The following FEZF2 variants were observed in gnomAD, a reference collection of about 807,000 sequenced individuals.
FEZF2 encodes the protein FEZ family zinc finger 2, also known as fez family zinc finger protein 2.
Under a neutral mutation model 32.8 loss-of-function variants are expected in FEZF2, and 2 were observed. The observed-to-expected ratio is 0.06, with a 90% confidence interval of 0.02 to 0.19. The LOEUF (loss-of-function observed/expected upper bound fraction) is 0.19, where lower values mean the gene tolerates loss of function less well. Ranked by LOEUF, FEZF2 falls within the 10% of genes least tolerant of loss-of-function variation. FEZF2 has a pLI of 1.00. For missense variants in FEZF2, 516 were observed against 625.4 expected, an observed-to-expected ratio of 0.83 and a Z score of 1.87; for synonymous variants, 322 against 284.8, an observed-to-expected ratio of 1.13 and a Z score of -1.32.
At chr3:62,371,710 G>A (rs774961214) in intron 2 of FEZF2, 43 bp from the exon 3 acceptor site, 7 of 1,579,002 alleles carry the variant, frequency 4.4e-6, no homozygotes, top group East Asian at 2.3e-5. Context: ...TCTGTCCGAG[G>A]GCCTACAATC....
chr3:62,370,089 C>G lies in FEZF2; in HGVS notation c.1374G>C (p.Gln458His). 1 of 1,614,172 alleles carries G rather than the reference C, an allele frequency of 6.2e-7. No individual in the cohort carries two copies. The highest frequency in any genetic ancestry group is 1.1e-5 in the South Asian group (1 of 91,084). ...AAGGGCAAGGCAGTAGCTCTCAGCT[C>G]TGCACTGTCCTAGTCAGGTCCTTTG... The part of the protein sequence containing the change: ...PSAKDLTRTV[Q>H]S The change falls in exon 5 of 5, where the codon CAG (glutamine) becomes CAC (histidine). Residue 458 changes from glutamine to histidine, a missense_variant. Gln to His is a conservative substitution (Grantham distance 24). Coordinates refer to ENST00000283268, the MANE Select transcript of FEZF2 (RefSeq NM_018008.4). The surrounding 1 kb of genome is among the most constrained non-coding windows in gnomAD (Gnocchi z 4.2).
At chr3:62,371,801 T>C in intron 2 of FEZF2, 134 bp from the exon 3 acceptor site, 1 of 1,429,010 alleles carries the variant, frequency 7.0e-7, no homozygotes, top group Non-Finnish European at 9.4e-7. Flanking sequence ...TGTAAAGTGC[T>C]GCCCAAACTC....
rs149218539 is a variant in FEZF2, at chr3:62,370,915, A to T, written c.1120+302T>A. 6.6e-6 allele frequency among the ~76,000 whole-genome samples: 1 copy of T among 152,040 alleles called. No individual in the cohort carries two copies. Among genetic ancestry groups the T allele is most frequent in the Non-Finnish European group, 1.5e-5 (1 of 68,016 alleles). On this transcript the variant is annotated intron_variant, in intron 4 of 4. Coordinates refer to ENST00000283268, the MANE Select transcript of FEZF2 (RefSeq NM_018008.4). The surrounding 1 kb of genome is among the most constrained non-coding windows in gnomAD (Gnocchi z 4.2). ...AAGGGAAGTTCCGGATACAAAAGGA[A>T]CCTTTTTCTATAGGGCAATACCCTC...
chr3:62,372,416 G>A lies in FEZF2; in HGVS notation c.453C>T (p.Val151=). 6.2e-7 allele frequency: 1 copy of A among 1,610,500 alleles called. No individual in the cohort carries two copies. The highest frequency in any genetic ancestry group is 8.5e-7 in the Non-Finnish European group (1 of 1,179,394). Residue 151 remains valine (V), a synonymous_variant, in exon 2 of 5, where the codon GTC becomes GTT. Transcript: ENST00000283268. This position sits in a 1 kb window ranked among gnomAD's most constrained non-coding sequence, Gnocchi z 9.6. Reference sequence around the variant, plus strand: ...CCTGGTTGATGACCTGCGGCTTGATGACCCTGCCCGCGGGCAGCGCGGACG... The same window carrying A: ...CCTGGTTGATGACCTGCGGCTTGATAACCCTGCCCGCGGGCAGCGCGGACG... ...LAPSALPAGR[V]IKPQVINQAV...
chr3:62,370,917 C>A lies in FEZF2; in HGVS notation c.1120+300G>T, dbSNP rs1252907342. 6.6e-6 allele frequency among the ~76,000 whole-genome samples: 1 copy of A among 152,118 alleles called. No homozygotes were observed. The highest frequency in any genetic ancestry group is 2.4e-5 in the African/African-American group (1 of 41,426). On this transcript the variant is annotated intron_variant, in intron 4 of 4. Coordinates refer to ENST00000283268, the MANE Select transcript of FEZF2 (RefSeq NM_018008.4). The surrounding 1 kb of genome is among the most constrained non-coding windows in gnomAD (Gnocchi z 4.2). ...GGGAAGTTCCGGATACAAAAGGAAC[C>A]TTTTTCTATAGGGCAATACCCTCTC...
Position 62,372,345 on chromosome 3 carries a change from A to T in FEZF2, c.524T>A (p.Leu175Gln), listed in dbSNP as rs763733326. 6.2e-7 allele frequency: 1 copy of T among 1,610,462 alleles called. No homozygotes were observed. The highest frequency in any genetic ancestry group is 8.5e-7 in the Non-Finnish European group (1 of 1,179,664). ...AGACGGCGGGTACGCGGTCGAGTCC[A>T]GGTAGTTGAAGTAGTAGAGCGAGCC... ...ASGSLYYFNY[L>Q]DSTAYPPSEL... The change falls in exon 2 of 5, where the codon CTG becomes CAG. Residue 175 changes from leucine to glutamine, a missense_variant. Leu to Gln is a moderately radical substitution (Grantham distance 113). This residue lies in a region of FEZF2 where 408 missense variants were observed against 382.2 expected (regional missense o/e 1.07). Transcript: ENST00000283268. The surrounding 1 kb of genome is among the most constrained non-coding windows in gnomAD (Gnocchi z 9.6).
At position 62,369,971 on chromosome 3, in the gene FEZF2, A is replaced by AT. The variant is rs1438046928; in HGVS notation, c.*111dup. ...AAAATATGCTGGTTTCGATAAATAG[A>AT]TTTTAGCCTCTCTGCTATAGTTTTT... On this transcript the variant is annotated 3_prime_UTR_variant, in exon 5 of 5. Transcript: ENST00000283268. This position sits in a 1 kb window ranked among gnomAD's most constrained non-coding sequence, Gnocchi z 4.2. The AT allele has an allele frequency of 7.7e-7, 1 of 1,306,158 alleles. No homozygotes were observed. The highest frequency in any genetic ancestry group is 1.0e-6 in the Non-Finnish European group (1 of 978,140). The allele number at this position is 1,306,158 out of a possible 1,614,324, so 80.9% of individuals were successfully genotyped here. A position where few individuals can be genotyped will look rare whatever the true frequency, so the allele number is the denominator to read the frequency against.
chr3:62,372,997 T>G lies in FEZF2; in HGVS notation c.-58-71A>C. 4 of 926,886 alleles carry G rather than the reference T, an allele frequency of 4.3e-6. No homozygotes were observed. Among genetic ancestry groups the G allele is most frequent in the Non-Finnish European group, 5.8e-6 (4 of 688,972 alleles). 57.4% of individuals were successfully genotyped at this position (926,886 alleles called of 1,614,324 possible). A position where few individuals can be genotyped will look rare whatever the true frequency, so the allele number is the denominator to read the frequency against. On this transcript the variant is annotated intron_variant, in intron 1 of 4. Coordinates refer to ENST00000283268, the MANE Select transcript of FEZF2 (RefSeq NM_018008.4). The surrounding 1 kb of genome is among the most constrained non-coding windows in gnomAD (Gnocchi z 9.6). Reference sequence around the variant, plus strand: ...ACCTAGTCGGGCCCGGGTCACCCATTTGCATTCAAATGAACAGGGGCAAAA... The same window carrying G: ...ACCTAGTCGGGCCCGGGTCACCCATGTGCATTCAAATGAACAGGGGCAAAA...
chr3:62,373,264 C>G lies in FEZF2; in HGVS notation c.-59+15G>C, dbSNP rs922799630. ...GGCAAAGTTAAAGAGGACCGGAGAG[C>G]CACCTCGCATTTACCTCTTTCCCCC... On this transcript the variant is annotated intron_variant, in intron 1 of 4. Coordinates refer to ENST00000283268, the MANE Select transcript of FEZF2 (RefSeq NM_018008.4). The surrounding 1 kb of genome is among the most constrained non-coding windows in gnomAD (Gnocchi z 5.5). 7.1e-5 allele frequency: 14 copies of G among 196,142 alleles called. No homozygotes were observed. In the Middle Eastern group the frequency reaches 5.4e-3, roughly 75 times the overall value. 12.2% of individuals were successfully genotyped at this position (196,142 alleles called of 1,614,324 possible).
Position 62,372,329 on chromosome 3 carries a change from G to A in FEZF2, c.540C>T (p.Tyr180=). 3.1e-6 allele frequency: 5 copies of A among 1,610,122 alleles called. No individual in the cohort carries two copies. Among genetic ancestry groups the A allele is most frequent in the Non-Finnish European group, 1.7e-6 (2 of 1,179,414 alleles). Residue 180 remains tyrosine (Y), a synonymous_variant, in exon 2 of 5, where the codon TAC becomes TAT. Coordinates refer to ENST00000283268, the MANE Select transcript of FEZF2 (RefSeq NM_018008.4). This position sits in a 1 kb window ranked among gnomAD's most constrained non-coding sequence, Gnocchi z 9.6. ...YYFNYLDSTA[Y]PPSELLSGHL... ...GGCCGCTGAGGAGCTCAGACGGCGG[G>A]TACGCGGTCGAGTCCAGGTAGTTGA...
At position 62,370,817 on chromosome 3, in the gene FEZF2, G is replaced by A. The variant is rs1295900559; in HGVS notation, c.1120+400C>T. 1.3e-5 allele frequency among the ~76,000 whole-genome samples: 2 copies of A among 152,224 alleles called. No individual in the cohort carries two copies. The highest frequency in any genetic ancestry group is 2.4e-5 in the African/African-American group (1 of 41,456). On this transcript the variant is annotated intron_variant, in intron 4 of 4. Transcript: ENST00000283268. This position sits in a 1 kb window ranked among gnomAD's most constrained non-coding sequence, Gnocchi z 4.2. ...TTGGAAAATCCGATCCAGGGGCCAA[G>A]GATCATACCGGTTTCCCCCAATCTT...
At chr3:62,371,411 T>C (rs1022690855) in intron 3 of FEZF2, 62 bp from the exon 4 acceptor site, 1 of 1,587,876 alleles carries the variant, frequency 6.3e-7, no homozygotes. Context: ...GGAAGGGACA[T>C]CCCCCCCACC....
Position 62,372,198 on chromosome 3 carries a change from T to C in FEZF2, c.671A>G (p.Asp224Gly). Residue 224 changes from aspartate to glycine, a missense_variant, in exon 2 of 5, where the codon GAC becomes GGC. By Grantham distance (94) the Asp-to-Gly change is moderately conservative (BLOSUM62 -1). Coordinates refer to ENST00000283268, the MANE Select transcript of FEZF2 (RefSeq NM_018008.4). This position sits in a 1 kb window ranked among gnomAD's most constrained non-coding sequence, Gnocchi z 9.6. ...ATAGGGAGCCGGGTGGGGGAACTTG[T>C]CCGCAGCCAGGCCGGCCAGCTTGGC... ...ENAKLAGLAA[D>G]KFPHPAPYPH... 1 of 1,577,910 alleles carries C rather than the reference T, an allele frequency of 6.3e-7. No homozygotes were observed. Among genetic ancestry groups the C allele is most frequent in the Non-Finnish European group, 8.6e-7 (1 of 1,161,604 alleles).
At chr3:62,371,440 G>GTACC in intron 3 of FEZF2, 91 bp from the exon 4 acceptor site, 1 of 1,579,620 alleles carries the variant, frequency 6.3e-7, no homozygotes, top group Non-Finnish European at 8.6e-7. Flanking sequence ...ACCCTAGAGG[G>GTACC]TAAGGGATAA....
chr3:62,370,114 G>T lies in FEZF2; in HGVS notation c.1349C>A (p.Ala450Glu). 1 of 1,614,210 alleles carries T rather than the reference G, an allele frequency of 6.2e-7. No individual in the cohort carries two copies. The highest frequency in any genetic ancestry group is 8.5e-7 in the Non-Finnish European group (1 of 1,180,034). The part of the protein sequence containing the change: ...HDSVGPAAPS[A>E]KDLTRTVQS Reference sequence around the variant, plus strand: ...CTGCACTGTCCTAGTCAGGTCCTTTGCGGAGGGGGCAGCAGGGCCCACGCT... The same window carrying T: ...CTGCACTGTCCTAGTCAGGTCCTTTTCGGAGGGGGCAGCAGGGCCCACGCT... The change falls in exon 5 of 5, where the codon GCA becomes GAA. Residue 450 changes from alanine (A) to glutamate (E), a missense_variant. By Grantham distance (107) the Ala-to-Glu change is moderately radical (BLOSUM62 -1). Transcript: ENST00000283268. This position sits in a 1 kb window ranked among gnomAD's most constrained non-coding sequence, Gnocchi z 4.2.
chr3:62,372,086 G>A lies in FEZF2; in HGVS notation c.783C>T (p.Gly261=). 2 of 1,607,930 alleles carry A rather than the reference G, an allele frequency of 1.2e-6. No homozygotes were observed. Among genetic ancestry groups the A allele is most frequent in the Non-Finnish European group, 1.7e-6 (2 of 1,178,102 alleles). The change falls in exon 2 of 5, where the codon GGC becomes GGT. Residue 261 remains glycine, a synonymous_variant. Transcript: ENST00000283268. This position sits in a 1 kb window ranked among gnomAD's most constrained non-coding sequence, Gnocchi z 9.6. ...CGGAGCCTCCTGGCAGCTTGCTGTG[G>A]CCCTTGACGCCTCCGCGCTCGGCAG... ...ALTAERGGVK[G]HSKLPGGSAD...
rs1263793068 is a variant in FEZF2, at chr3:62,371,270, G to A, written c.1067C>T (p.Ala356Val). Reference sequence around the variant, plus strand: ...TTCGCAGACGAAGGGCTTGTAGCCCGCGTGGATGCGGATATGCGTGTTGAG... The same window carrying A: ...TTCGCAGACGAAGGGCTTGTAGCCCACGTGGATGCGGATATGCGTGTTGAG... ...STLNTHIRIH[A>V]GYKPFVCEFC... is the part of the protein sequence containing the mutation. The change falls in exon 4 of 5, where the codon GCG becomes GTG. Residue 356 changes from alanine (A) to valine (V), a missense_variant. Ala to Val is a moderately conservative substitution (Grantham distance 64). Around this residue, in one of 3 missense-constraint regions of FEZF2, gnomAD observed 79 missense variants for 219.4 expected, o/e 0.36. Transcript: ENST00000283268. 2 of 1,614,252 alleles carry A rather than the reference G, an allele frequency of 1.2e-6. No individual in the cohort carries two copies. Among genetic ancestry groups the A allele is most frequent in the Non-Finnish European group, 1.7e-6 (2 of 1,180,050 alleles).
chr3:62,372,971 C>T lies in FEZF2; in HGVS notation c.-58-45G>A, dbSNP rs797021401. ...GGGGGGAAAACTGCAATTTAATAAG[C>T]ACCTAGTCGGGCCCGGGTCACCCAT... On this transcript the variant is annotated intron_variant, in intron 1 of 4. Transcript: ENST00000283268. The surrounding 1 kb of genome is among the most constrained non-coding windows in gnomAD (Gnocchi z 9.6). 8.6e-7 allele frequency: 1 copy of T among 1,160,978 alleles called. No individual in the cohort carries two copies. Among genetic ancestry groups the T allele is most frequent in the African/African-American group, 1.6e-5 (1 of 62,392 alleles). The allele number at this position is 1,160,978 out of a possible 1,614,324, so 71.9% of individuals were successfully genotyped here.
intron 4 of FEZF2, 67 bp downstream of exon 4, chr3:62,371,150 C>T (rs1704263097): frequency 2.5e-6 from 4 of 1,611,934 alleles, no homozygotes; most frequent in Non-Finnish European, 2.5e-6. Flanking sequence ...CTTTGCCTTC[C>T]TGCCAGCCAG....
Sources: allele counts gnomAD v4.1 joint callset (sites outside exome capture counted in the v4.1 genomes callset), GRCh38; gene constraint gnomAD v4.1.1; regional missense constraint gnomAD v4.1.1; non-coding constraint Gnocchi (gnomAD v3.1); transcripts MANE v1.5; gene names NCBI Gene and HGNC (gene_info 2026-07-23, HGNC 2026-07-21).